Variants in AGBL1 observed in about 807,000 individuals in gnomAD.
The protein encoded by AGBL1 is cytosolic carboxypeptidase 4.
AGBL1 carries 130 observed loss-of-function variants against 118.9 expected under a neutral mutation model. The observed-to-expected ratio is 1.09, with a 90% CI of 0.95 to 1.26. AGBL1 has a LOEUF of 1.26. Ranked by LOEUF, AGBL1 falls within the 50% of genes most tolerant of loss-of-function variation. AGBL1 has a pLI of 0.00. For synonymous variants in AGBL1, 555 were observed against 478.9 expected (o/e 1.16, Z -2.08); for missense variants, 1,584 against 1,298.1 (o/e 1.22, Z -3.38).
At chr15:86,118,689 G>C (rs1262889059) in intron 1 of AGBL1, among the ~76,000 whole-genome samples, 1 of 151,998 alleles carries the variant, frequency 6.6e-6, no homozygotes, top group Non-Finnish European at 1.5e-5. Context: ...GCAGGAAATA[G>C]GAGTTCTTCT....
intron 6 of AGBL1, among the ~76,000 whole-genome samples, chr15:86,245,607 A>G (rs1277693381): frequency 6.6e-6 from 1 of 152,222 alleles, no homozygotes; most frequent in Non-Finnish European, 1.5e-5. Context: ...TGAGAGAGGT[A>G]TCTTGGACTG....
At chr15:86,281,126 G>A (rs2079346131) in intron 16 of AGBL1, among the ~76,000 whole-genome samples, 1 of 152,194 alleles carries the variant, frequency 6.6e-6, no homozygotes, top group Admixed American at 6.5e-5. Flanking sequence ...GCTCACTCCT[G>A]TAATCCCAGC....
At chr15:87,029,149 T>C, downstream of AGBL1, 1 of 252,292 alleles carries the variant, frequency 4.0e-6, no homozygotes, top group Non-Finnish European at 7.5e-6. Flanking sequence ...ATCGCAAAGG[T>C]ACTTCACATA....
intron 22 of AGBL1, among the ~76,000 whole-genome samples, chr15:86,746,569 T>C (rs2077759583): frequency 6.6e-6 from 1 of 152,092 alleles, no homozygotes; most frequent in Non-Finnish European, 1.5e-5. Context: ...TCCCAGGAGC[T>C]GGTAACCATG....
At chr15:86,848,757 A>G (rs2079355541) in intron 22 of AGBL1, among the ~76,000 whole-genome samples, 1 of 152,194 alleles carries the variant, frequency 6.6e-6, no homozygotes, top group Non-Finnish European at 1.5e-5. Context: ...CTAAATTTCC[A>G]TGGAAGAAAT....
intron 17 of AGBL1, among the ~76,000 whole-genome samples, chr15:86,314,778 A>G (rs1234687149): frequency 6.6e-6 from 1 of 152,168 alleles, no homozygotes; most frequent in African/African-American, 2.4e-5. Flanking sequence ...GTAGGAAGTG[A>G]GATTTAATCT....
At chr15:86,160,937 G>T (rs1389875069) in intron 5 of AGBL1, among the ~76,000 whole-genome samples, 1 of 152,176 alleles carries the variant, frequency 6.6e-6, no homozygotes, top group Non-Finnish European at 1.5e-5. Context: ...GGCCAAACTT[G>T]TGGGGTAGCG....
intron 1 of AGBL1, among the ~76,000 whole-genome samples, chr15:86,100,645 G>C (rs1896658563): frequency 6.6e-6 from 1 of 151,844 alleles, no homozygotes. Flanking sequence ...TCAGTTTCTT[G>C]CTGCATAGTT....
intron 22 of AGBL1, among the ~76,000 whole-genome samples, chr15:86,895,400 T>C (rs919319235): frequency 2.0e-5 from 3 of 151,670 alleles, no homozygotes; most frequent in African/African-American, 7.3e-5. Context: ...ATGTTTAGTT[T>C]TTTTTTTTTT....
intron 23 of AGBL1, among the ~76,000 whole-genome samples, chr15:86,948,664 C>G (rs2080849778): frequency 6.6e-6 from 1 of 152,168 alleles, no homozygotes; most frequent in Admixed American, 6.5e-5. Context: ...ATTTAATTGC[C>G]AGAACATTCT....
intron 17 of AGBL1, among the ~76,000 whole-genome samples, chr15:86,350,214 C>A (rs1032265788): frequency 1.3e-5 from 2 of 152,138 alleles, no homozygotes; most frequent in African/African-American, 4.8e-5. Context: ...TTTAGGACAA[C>A]CTTATGAGGT....
intron 23 of AGBL1, among the ~76,000 whole-genome samples, chr15:86,935,956 T>C (rs2080668619): frequency 6.6e-6 from 1 of 152,244 alleles, no homozygotes; most frequent in Non-Finnish European, 1.5e-5. Flanking sequence ...CTCTGGGAGC[T>C]CAGTGAAAGA....
intron 6 of AGBL1, among the ~76,000 whole-genome samples, chr15:86,245,209 C>T (rs2078701114): frequency 6.6e-6 from 1 of 152,180 alleles, no homozygotes; most frequent in Non-Finnish European, 1.5e-5. Context: ...AAAATCCCCT[C>T]TGGAATAAAG....
At position 86,696,488 on chromosome 15, in the gene AGBL1, A is replaced by G. The variant is rs1305594873; in HGVS notation, c.3158+22052A>G. ...TATATGAGTCCTTATGTGTCAAGTG[A>G]GTCTCTCGGAGGCAGCAGATAGATA... On this transcript the variant is annotated intron_variant, in intron 22 of 22. Coordinates refer to ENST00000614907, the MANE Select transcript of AGBL1 (RefSeq NM_001386094.1). 2.0e-5 allele frequency among the ~76,000 whole-genome samples: 3 copies of G among 151,438 alleles called. No homozygotes were observed. In the South Asian group the frequency reaches 6.3e-4, roughly 32 times the overall value.
At chr15:86,319,959 A>G (rs892482670) in intron 17 of AGBL1, among the ~76,000 whole-genome samples, 6 of 151,462 alleles carry the variant, frequency 4.0e-5, no homozygotes, top group African/African-American at 1.2e-4. Context: ...GTTTCACCAC[A>G]TTGGTCAGGC....
chr15:86,155,849 T>C (rs2141695566), intron 4 of AGBL1, among the ~76,000 whole-genome samples: 2 of 152,312 alleles, frequency 1.3e-5, no homozygotes, highest in Admixed American at 1.3e-4. Flanking sequence ...AGGGCTGCCT[T>C]AATGCCTTAA....
chr15:86,150,183 C>G (rs192473475), intron 3 of AGBL1, among the ~76,000 whole-genome samples: 2 of 152,286 alleles, frequency 1.3e-5, no homozygotes, highest in African/African-American at 4.8e-5. Flanking sequence ...CAGGAAAGAT[C>G]TATAATCAAC....
At chr15:86,880,515 G>C (rs1177089872) in intron 22 of AGBL1, among the ~76,000 whole-genome samples, 1 of 152,174 alleles carries the variant, frequency 6.6e-6, no homozygotes, top group Admixed American at 6.5e-5. Flanking sequence ...TAGTGAGAGG[G>C]TTCCCAGTGA....
At chr15:86,810,663 T>C (rs1349558468) in intron 22 of AGBL1, among the ~76,000 whole-genome samples, 2 of 152,208 alleles carry the variant, frequency 1.3e-5, no homozygotes, top group Non-Finnish European at 2.9e-5. Context: ...GAGTTCTCTC[T>C]GTACTGAAGC....
Sources: gnomAD v4.1 joint callset for allele counts (sites outside exome capture counted in the v4.1 genomes callset) on GRCh38, gnomAD v4.1.1 for gene constraint, MANE v1.5 for transcripts, NCBI Gene and HGNC (gene_info 2026-07-23, HGNC 2026-07-21) for gene names.